The following RGS6 variants were observed in gnomAD, a reference collection of about 807,000 sequenced individuals.
The protein encoded by RGS6 is regulator of G-protein signaling 6.
RGS6 carries 30 observed loss-of-function variants against 78.5 expected under a neutral mutation model. That is an observed-to-expected ratio of 0.38 (90% CI 0.29 to 0.52). The LOEUF (loss-of-function observed/expected upper bound fraction) is 0.52. Ranked by LOEUF, RGS6 falls within the 20% of genes least tolerant of loss-of-function variation. The probability of loss-of-function intolerance (pLI) is 0.85; values close to 1 mark genes in which losing one functional copy is unlikely to be tolerated. For missense variants in RGS6, 495 were observed against 609.7 expected (o/e 0.81, Z 1.98); for synonymous variants, 206 against 206.0 (o/e 1.00, Z 0.00).
At chr14:72,021,842 A>G (rs958859630) in intron 2 of RGS6, among the ~76,000 whole-genome samples, 3 of 151,728 alleles carry the variant, frequency 2.0e-5, no homozygotes, top group African/African-American at 4.8e-5. Context: ...AGCTCATGTC[A>G]TGGGGAGTTG....
chr14:72,152,221 T>TGAGA (rs1200791259), intron 2 of RGS6, among the ~76,000 whole-genome samples: 20 of 146,658 alleles, frequency 1.4e-4, no homozygotes, highest in Non-Finnish European at 2.4e-4. Context: ...GGCAGCTGCA[T>TGAGA]GAGAGAGAGA....
intron 2 of RGS6, among the ~76,000 whole-genome samples, chr14:72,309,117 C>G (rs1047350802): frequency 6.6e-6 from 1 of 152,146 alleles, no homozygotes; most frequent in African/African-American, 2.4e-5. Context: ...TCCCCACACC[C>G]CTCCTTGCAA....
intron 14 of RGS6, among the ~76,000 whole-genome samples, chr14:72,516,364 G>A (rs541761756): frequency 6.6e-6 from 1 of 152,322 alleles, no homozygotes; most frequent in East Asian, 1.9e-4. Context: ...CCCAGCTCAA[G>A]AGTCAAGGGC....
At chr14:71,922,443 T>C in the RGS6 span, among the ~76,000 whole-genome samples, 2 of 152,214 alleles carry the variant, frequency 1.3e-5, no homozygotes, top group African/African-American at 2.4e-5. Context: ...TGCATATGAT[T>C]GTGTTAGTCT....
intron 2 of RGS6, among the ~76,000 whole-genome samples, chr14:72,276,849 A>C (rs1402443443): frequency 1.3e-5 from 2 of 151,910 alleles, no homozygotes; most frequent in Non-Finnish European, 2.9e-5. Flanking sequence ...GCAACATGAG[A>C]AGAGACTAAT....
intron 2 of RGS6, among the ~76,000 whole-genome samples, chr14:72,270,896 G>C (rs2153915438): frequency 6.6e-6 from 1 of 152,318 alleles, no homozygotes; most frequent in Non-Finnish European, 1.5e-5. Flanking sequence ...GGGAAGTGCA[G>C]AAGACATGGG....
chr14:71,964,739 G>A lies in RGS6; in HGVS notation c.-20-33G>A, dbSNP rs368686364. 80 of 1,443,566 alleles carry A rather than the reference G, an allele frequency of 5.5e-5. No individual in the cohort carries two copies. In the African/African-American group the frequency reaches 9.0e-4, roughly 16 times the overall value. The allele number at this position is 1,443,566 out of a possible 1,614,324, so 89.4% of individuals were successfully genotyped here. A position where few individuals can be genotyped will look rare whatever the true frequency, so the allele number is the denominator to read the frequency against. ...AAAGCCCTCTTTATATAATTCCTTC[G>A]TGACTTAATGGTTTATTCATTTATT... On this transcript the variant is annotated intron_variant, in intron 1 of 17. Transcript: ENST00000553525.
chr14:72,337,245 A>C (rs1258361927), intron 2 of RGS6, among the ~76,000 whole-genome samples: 2 of 147,372 alleles, frequency 1.4e-5, no homozygotes, highest in South Asian at 2.2e-4. Context: ...ACCCATTTCA[A>C]CCTCTAACCC....
chr14:72,182,527 G>A (rs959511475), intron 2 of RGS6, among the ~76,000 whole-genome samples: 3 of 151,968 alleles, frequency 2.0e-5, no homozygotes, highest in South Asian at 4.2e-4. Flanking sequence ...CTTGCACTCC[G>A]TAGTGCAACC....
chr14:72,408,619 T>C (rs1342583086), intron 3 of RGS6, among the ~76,000 whole-genome samples: 1 of 152,198 alleles, frequency 6.6e-6, no homozygotes, highest in Non-Finnish European at 1.5e-5. Flanking sequence ...TTGAATGACT[T>C]TTTTATAGAC....
upstream of RGS6, among the ~76,000 whole-genome samples, chr14:71,927,781 C>T: frequency 6.6e-6 from 1 of 151,844 alleles, no homozygotes; most frequent in African/African-American, 2.4e-5. Context: ...CCTCAGCCTC[C>T]CGTGTAGCTG....
chr14:72,308,565 C>T (rs2067794870), intron 2 of RGS6, among the ~76,000 whole-genome samples: 2 of 152,160 alleles, frequency 1.3e-5, no homozygotes, highest in Admixed American at 1.3e-4. Context: ...TTGCCCACAG[C>T]AAATGCTCAA....
chr14:72,192,792 C>T lies in RGS6; in HGVS notation c.85-159303C>T, dbSNP rs375968973. ...CAGAGTTATTTTATCCTTTTCACCACGAGGGACTCAATTGGAACTGGCTCT... is the reference window on the plus strand; with the variant it reads ...CAGAGTTATTTTATCCTTTTCACCATGAGGGACTCAATTGGAACTGGCTCT... On this transcript the variant is annotated intron_variant, in intron 2 of 17. Coordinates refer to ENST00000553525, the MANE Select transcript of RGS6 (RefSeq NM_001204424.2). Among the ~76,000 whole-genome samples the T allele has an allele frequency of 2.5e-4, 38 of 152,260 alleles. No homozygotes were observed. In the South Asian group the frequency reaches 7.3e-3, roughly 29 times the overall value.
chr14:72,424,900 T>C (rs2094369310), intron 3 of RGS6, among the ~76,000 whole-genome samples: 1 of 152,222 alleles, frequency 6.6e-6, no homozygotes, highest in African/African-American at 2.4e-5. Flanking sequence ...TATTTCAGTT[T>C]ACAAACCCTT....
rs558080195 is a variant in RGS6, at chr14:72,168,390, C to A, written c.85-183705C>A. Among the ~76,000 whole-genome samples the A allele has an allele frequency of 2.0e-3, 308 of 152,262 alleles. 2 individuals carry two copies. The highest frequency in any genetic ancestry group is 6.6e-3 in the African/African-American group (275 of 41,542). On this transcript the variant is annotated intron_variant, in intron 2 of 17. Transcript: ENST00000553525. The stretch of plus-strand genomic sequence containing the variant: ...CGTGGAATCCTGATGGCGGGGAATC[C>A]CAGGGTCCTGTGACCCAGAGCATGG...
chr14:71,900,896 T>C, the RGS6 span, among the ~76,000 whole-genome samples: 1 of 152,072 alleles, frequency 6.6e-6, no homozygotes, highest in Admixed American at 6.6e-5. Flanking sequence ...CGACCTGTCA[T>C]ATGGTGTGAG....
rs543454407 is a variant in RGS6 at position 72,406,001 on chromosome 14, T to C, written c.185-48527T>C. On this transcript the variant is annotated intron_variant, in intron 3 of 17. Coordinates refer to ENST00000553525, the MANE Select transcript of RGS6 (RefSeq NM_001204424.2). Reference sequence around the variant, plus strand: ...GGCTGTCTGCGTCCAGATGTTAAGGTTACTGTAGACAATAAATGGGAGAGG... The same window carrying C: ...GGCTGTCTGCGTCCAGATGTTAAGGCTACTGTAGACAATAAATGGGAGAGG... Among the ~76,000 whole-genome samples, 11 of 152,230 alleles carry C rather than the reference T, an allele frequency of 7.2e-5. No individual in the cohort carries two copies. In the East Asian group the frequency reaches 1.9e-3, roughly 27 times the overall value.
chr14:72,540,472 T>G, intron 17 of RGS6: 4 of 1,476,568 alleles, frequency 2.7e-6, no homozygotes, highest in Non-Finnish European at 3.6e-6. Flanking sequence ...ATAAATTGGC[T>G]CAGAACCATA....
Position 72,129,398 on chromosome 14 carries a change from A to C in RGS6, c.84+164523A>C, listed in dbSNP as rs561383035. ...AATAAACAAATGGATGAACAAACTG[A>C]AATAAGTGTTGATATTTGTTATGAA... On this transcript the variant is annotated intron_variant, in intron 2 of 17. Transcript: ENST00000553525. 1.9e-3 allele frequency among the ~76,000 whole-genome samples: 289 copies of C among 152,358 alleles called. 1 individual carries two copies. Among genetic ancestry groups the C allele is most frequent in the African/African-American group, 6.7e-3 (277 of 41,584 alleles).
Sources: allele counts gnomAD v4.1 joint callset (sites outside exome capture counted in the v4.1 genomes callset), GRCh38; gene constraint gnomAD v4.1.1; transcripts MANE v1.5; gene names NCBI Gene and HGNC (gene_info 2026-07-23, HGNC 2026-07-21).